The following FKBP9 variants were observed in gnomAD, a reference collection of about 807,000 sequenced individuals.
The protein encoded by FKBP9 is peptidyl-prolyl cis-trans isomerase FKBP9.
A neutral mutation model predicts 55.6 loss-of-function variants in FKBP9; 27 were observed. The observed-to-expected ratio is 0.49, with a 90% CI of 0.36 to 0.67. The LOEUF (loss-of-function observed/expected upper bound fraction) is 0.67. Among genes scored for constraint, FKBP9 ranks in the 30% least tolerant of loss-of-function variants. The pLI, the probability that FKBP9 is intolerant of heterozygous loss-of-function variation, is 0.00. For missense variants in FKBP9, 539 were observed against 742.8 expected (o/e 0.73, Z 3.19); for synonymous variants, 267 against 296.5 (o/e 0.90, Z 1.02).
At chr7:32,971,881 G>T (rs1784260543) in intron 1 of FKBP9, among the ~76,000 whole-genome samples, 1 of 152,134 alleles carries the variant, frequency 6.6e-6, no homozygotes, top group African/African-American at 2.4e-5. Context: ...GGATTAAATG[G>T]TGTAGTATAT....
In FKBP9 at chr7:32,996,778, C is replaced by CTT. The variant is rs1170596077; in HGVS notation, c.1226+455_1226+456dup. Among the ~76,000 whole-genome samples, 82 of 32,326 alleles carry CTT rather than the reference C, an allele frequency of 2.5e-3. 14 individuals are homozygous for CTT. Among genetic ancestry groups the CTT allele is most frequent in the African/African-American group, 9.1e-3 (61 of 6,716 alleles). The allele number at this position is 32,326 out of a possible 152,430, so 21.2% of individuals were successfully genotyped here. On this transcript the variant is annotated intron_variant, in intron 7 of 9. Transcript: ENST00000242209. ...TTTTTTTTTTTGATAAAGTCTCACT[C>CTT]TTTTTTTTTTTTTTTTTTTTTTTTT...
chr7:32,964,750 C>T (rs1784099110), intron 1 of FKBP9, among the ~76,000 whole-genome samples: 1 of 152,192 alleles, frequency 6.6e-6, no homozygotes, highest in Non-Finnish European at 1.5e-5. Flanking sequence ...TAGTCTTAGG[C>T]AAAGGGTCCA....
At chr7:32,979,727 T>C in intron 4 of FKBP9, 1 of 713,856 alleles carries the variant, frequency 1.4e-6, no homozygotes, top group Non-Finnish European at 2.5e-6. Flanking sequence ...TTGCAGATAT[T>C]CAAAATATTC....
At chr7:32,990,187 G>C (rs1175465378) in intron 6 of FKBP9, among the ~76,000 whole-genome samples, 2 of 152,072 alleles carry the variant, frequency 1.3e-5, no homozygotes, top group African/African-American at 2.4e-5. Flanking sequence ...CTTGAGATAG[G>C]AATAGTATTC....
In FKBP9 at chr7:32,975,147, A is replaced by G. The variant is rs558376157; in HGVS notation, c.368-35A>G. 3 of 1,573,072 alleles carry G rather than the reference A, an allele frequency of 1.9e-6. No individual in the cohort carries two copies. The South Asian group carries it at 3.3e-5, about 18-fold the overall frequency. ...TTATTTATCTGGCCTGAAAGGCAGC[A>G]ACTGTGAACTCAGTGTGTAATCTTT... On this transcript the variant is annotated intron_variant, in intron 2 of 9. Coordinates refer to ENST00000242209, the MANE Select transcript of FKBP9 (RefSeq NM_007270.5).
intron 1 of FKBP9, among the ~76,000 whole-genome samples, chr7:32,967,689 CAT>C (rs1254528273): frequency 6.6e-6 from 1 of 152,156 alleles, no homozygotes; most frequent in Non-Finnish European, 1.5e-5. Flanking sequence ...CTGAGTTGAA[CAT>C]GTGTGTGCAA....
intron 5 of FKBP9, among the ~76,000 whole-genome samples, chr7:32,983,127 G>A (rs1440180827): frequency 2.0e-5 from 3 of 151,822 alleles, no homozygotes; most frequent in Admixed American, 1.3e-4. Flanking sequence ...GGGTTCAAGC[G>A]ATTCTCGTGT....
chr7:32,993,378 A>G (rs1310879302), intron 6 of FKBP9, among the ~76,000 whole-genome samples: 4 of 152,248 alleles, frequency 2.6e-5, no homozygotes, highest in South Asian at 2.1e-4. Flanking sequence ...CCTCCCTCCT[A>G]TCAACCTCTG....
chr7:32,965,212 C>A (rs1157734503), intron 1 of FKBP9, among the ~76,000 whole-genome samples: 1 of 152,024 alleles, frequency 6.6e-6, no homozygotes, highest in African/African-American at 2.4e-5. Context: ...CTCACAGCAA[C>A]CTCTGCCTCC....
intron 6 of FKBP9, among the ~76,000 whole-genome samples, chr7:32,989,637 T>C (rs974182588): frequency 6.6e-6 from 1 of 152,094 alleles, no homozygotes; most frequent in Non-Finnish European, 1.5e-5. Flanking sequence ...GCCAGGCTAG[T>C]CTCAAACTCC....
chr7:32,996,895 C>G (rs960493133), intron 7 of FKBP9, among the ~76,000 whole-genome samples: 1 of 147,618 alleles, frequency 6.8e-6, no homozygotes, highest in African/African-American at 2.5e-5. Flanking sequence ...CCCGGGTTCA[C>G]GCCATTCTCC....
intron 1 of FKBP9, among the ~76,000 whole-genome samples, chr7:32,965,828 T>TATATGTGTACACAC (rs1554284325): frequency 1.1e-4 from 4 of 35,052 alleles, no homozygotes; most frequent in African/African-American, 4.2e-4. Flanking sequence ...TATATATATA[T>TATATGTGTACACAC]ATATATATAT....
chr7:32,993,340 T>A (rs1278637414), intron 6 of FKBP9, among the ~76,000 whole-genome samples: 1 of 152,154 alleles, frequency 6.6e-6, no homozygotes, highest in East Asian at 1.9e-4. Context: ...ATCCCCAACA[T>A]AAACCCATTA....
chr7:32,959,769 T>C (rs554990519), intron 1 of FKBP9, among the ~76,000 whole-genome samples: 1 of 152,358 alleles, frequency 6.6e-6, no homozygotes, highest in Admixed American at 6.5e-5. Flanking sequence ...TCATTTACGG[T>C]GTAAGGTATA....
At position 32,976,396 on chromosome 7, in the gene FKBP9, C is replaced by T. The variant is rs1232760579; in HGVS notation, c.600C>T (p.Gly200=). ...CATATGACACGTATGTGGGAATTGG[C>T]TGGCTGATTCCTGGAATGGATAAAG... ...MKTYDTYVGI[G]WLIPGMDKGL... Residue 200 remains glycine (G), a synonymous_variant, in exon 4 of 10, where the codon GGC becomes GGT. Coordinates refer to ENST00000242209, the MANE Select transcript of FKBP9 (RefSeq NM_007270.5). 7 of 1,613,766 alleles carry T rather than the reference C, an allele frequency of 4.3e-6. No homozygotes were observed. The Admixed American group carries it at 5.0e-5, about 12-fold the overall frequency.
chr7:32,998,947 C>T (rs1206835005), intron 7 of FKBP9, among the ~76,000 whole-genome samples: 4 of 152,204 alleles, frequency 2.6e-5, no homozygotes, highest in Admixed American at 6.5e-5. Flanking sequence ...AATTTTCTTA[C>T]GCTTGCGTGT....
intron 7 of FKBP9, among the ~76,000 whole-genome samples, chr7:32,996,592 G>A (rs1484830688): frequency 7.0e-6 from 1 of 143,776 alleles, no homozygotes; most frequent in Non-Finnish European, 1.5e-5. Flanking sequence ...AGATCTCATC[G>A]TATAACTGCT....
At chr7:32,965,404 T>C (rs561406375) in intron 1 of FKBP9, among the ~76,000 whole-genome samples, 1 of 152,254 alleles carries the variant, frequency 6.6e-6, no homozygotes, top group South Asian at 2.1e-4. Context: ...GTGCTGGGAT[T>C]ACCGCTTGAG....
At chr7:32,962,204 C>A (rs578175093) in intron 1 of FKBP9, among the ~76,000 whole-genome samples, 215 of 152,116 alleles carry the variant, frequency 1.4e-3, no homozygotes, top group African/African-American at 5.0e-3. Context: ...ACCAGCCTGA[C>A]CAACATGGAG....
Sources: allele counts gnomAD v4.1 joint callset (sites outside exome capture counted in the v4.1 genomes callset), GRCh38; gene constraint gnomAD v4.1.1; transcripts MANE v1.5; gene names NCBI Gene and HGNC (gene_info 2026-07-23, HGNC 2026-07-21).